The following PDS5A variants were observed in gnomAD, a reference collection of about 807,000 sequenced individuals.
The protein encoded by PDS5A is sister chromatid cohesion protein PDS5 homolog A.
In PDS5A, 42 loss-of-function variants were observed where a neutral mutation model predicts 167.1. The ratio of observed to expected loss-of-function variants is 0.25; its 90% CI spans 0.20 to 0.33. The LOEUF (loss-of-function observed/expected upper bound fraction) is 0.33. PDS5A is among the 10% of genes least tolerant of loss of function. The probability of loss-of-function intolerance (pLI) is 1.00; values close to 1 mark genes in which losing one functional copy is unlikely to be tolerated. For synonymous variants in PDS5A, 553 were observed against 554.6 expected, an observed-to-expected ratio of 1.00 and a Z score of 0.04; for missense variants, 1,033 against 1,605.9, an observed-to-expected ratio of 0.64 and a Z score of 6.10.
Position 39,843,459 on chromosome 4 carries a change from C to CAT in PDS5A, c.3548+1196_3548+1197insAT, listed in dbSNP as rs1717248722. ...TAAAAAATAAACATTTTGGGCCAGG[C>CAT]GTGATGGTTCATGACTGTAATCCCA... On this transcript the variant is annotated intron_variant, in intron 30 of 32. Coordinates refer to ENST00000303538, the MANE Select transcript of PDS5A (RefSeq NM_001100399.2). Among the ~76,000 whole-genome samples, 3 of 152,074 alleles carry CAT rather than the reference C, an allele frequency of 2.0e-5. No homozygotes were observed. In the South Asian group the frequency reaches 6.2e-4, roughly 32 times the overall value.
At chr4:39,907,646 G>A (rs1021444790) in intron 11 of PDS5A, among the ~76,000 whole-genome samples, 1 of 151,364 alleles carries the variant, frequency 6.6e-6, no homozygotes, top group African/African-American at 2.4e-5. Flanking sequence ...GAGTGCAGTG[G>A]TGCAATCTCG....
At chr4:39,830,806 C>G (rs1197882728) in intron 32 of PDS5A, among the ~76,000 whole-genome samples, 1 of 152,184 alleles carries the variant, frequency 6.6e-6, no homozygotes, top group African/African-American at 2.4e-5. Context: ...TCAAAAACAT[C>G]TGATCTATCT....
At chr4:39,840,710 T>A (rs925973807) in intron 31 of PDS5A, among the ~76,000 whole-genome samples, 7 of 152,018 alleles carry the variant, frequency 4.6e-5, no homozygotes, top group Non-Finnish European at 8.8e-5. Flanking sequence ...CCCGCATAGC[T>A]GGGACTCCAG....
intron 16 of PDS5A, among the ~76,000 whole-genome samples, chr4:39,896,744 T>C (rs1208761703): frequency 6.6e-6 from 1 of 150,782 alleles, no homozygotes; most frequent in African/African-American, 2.4e-5. Context: ...CCAGTCTGGG[T>C]GACAGAGCAA....
At chr4:39,974,751 C>T (rs1730916757) in intron 2 of PDS5A, among the ~76,000 whole-genome samples, 2 of 152,056 alleles carry the variant, frequency 1.3e-5, no homozygotes, top group Admixed American at 1.3e-4. Context: ...GGGTGATTTG[C>T]CTGCCTCGGC....
intron 2 of PDS5A, among the ~76,000 whole-genome samples, chr4:39,952,063 C>T (rs1169323964): frequency 6.6e-6 from 1 of 152,158 alleles, no homozygotes; most frequent in East Asian, 1.9e-4. Flanking sequence ...GGCACGGTGG[C>T]TCATGCCTGT....
chr4:39,837,114 G>A (rs988112051), intron 32 of PDS5A: 12 of 151,204 alleles, frequency 7.9e-5, no homozygotes, highest in African/African-American at 2.9e-4. Context: ...TTACAGGCAT[G>A]AGCCACTGAG....
intron 7 of PDS5A, among the ~76,000 whole-genome samples, chr4:39,918,951 TA>T (rs2109708386): frequency 6.6e-6 from 1 of 152,310 alleles, no homozygotes; most frequent in East Asian, 1.9e-4. Flanking sequence ...AATATATGCA[TA>T]CACACACACA....
At chr4:39,887,102 CTTCTT>C (rs982173590) in intron 17 of PDS5A, among the ~76,000 whole-genome samples, 6 of 152,054 alleles carry the variant, frequency 3.9e-5, no homozygotes, top group African/African-American at 1.4e-4. Context: ...TTTGGATGGC[CTTCTT>C]TTCTTTTGAC....
At chr4:39,960,685 T>C (rs578142397) in intron 2 of PDS5A, among the ~76,000 whole-genome samples, 1 of 148,826 alleles carries the variant, frequency 6.7e-6, no homozygotes. Context: ...CCTGCCACCA[T>C]ACAAAGCTAA....
chr4:39,841,246 T>C (rs886212007), intron 31 of PDS5A, among the ~76,000 whole-genome samples: 1 of 151,868 alleles, frequency 6.6e-6, no homozygotes, highest in Non-Finnish European at 1.5e-5. Flanking sequence ...TTCAAGCAAT[T>C]CTCCTGCCTC....
At chr4:39,826,724 G>T (rs191888970) in intron 32 of PDS5A, among the ~76,000 whole-genome samples, 11 of 151,974 alleles carry the variant, frequency 7.2e-5, no homozygotes, top group Non-Finnish European at 1.5e-4. Context: ...AGACCTCGTG[G>T]TCTGCCTGCC....
Position 39,825,172 on chromosome 4 carries a change from A to G in PDS5A, c.*313T>C. On this transcript the variant is annotated 3_prime_UTR_variant, in exon 33 of 33. Coordinates refer to ENST00000303538, the MANE Select transcript of PDS5A (RefSeq NM_001100399.2). ...ATGGTGTATTACGCATTTAAACTCC[A>G]GATAGGCAGGAACTGGAACCAAGTG... is the stretch of plus-strand genomic sequence containing the variant. 3.6e-6 allele frequency: 1 copy of G among 279,976 alleles called. No individual in the cohort carries two copies. The highest frequency in any genetic ancestry group is 6.6e-6 in the Non-Finnish European group (1 of 151,128). 17.3% of individuals were successfully genotyped at this position (279,976 alleles called of 1,614,324 possible).
intron 17 of PDS5A, among the ~76,000 whole-genome samples, chr4:39,885,106 A>G (rs904764602): frequency 2.0e-5 from 3 of 151,500 alleles, no homozygotes; most frequent in Non-Finnish European, 2.9e-5. Flanking sequence ...TACTAAAAAT[A>G]CAAAAAATTA....
chr4:39,915,040 G>A (rs918740313), intron 8 of PDS5A, among the ~76,000 whole-genome samples: 7 of 128,036 alleles, frequency 5.5e-5, no homozygotes, highest in African/African-American at 1.8e-4. Flanking sequence ...TGACAAAAAT[G>A]ATTTTTTTTT....
At chr4:39,904,656 T>C (rs1490699931) in intron 11 of PDS5A, among the ~76,000 whole-genome samples, 1 of 152,184 alleles carries the variant, frequency 6.6e-6, no homozygotes, top group African/African-American at 2.4e-5. Context: ...AATCTGTTCC[T>C]ATTTAGAAAT....
At chr4:39,829,391 C>T (rs1173489554) in intron 32 of PDS5A, among the ~76,000 whole-genome samples, 1 of 152,150 alleles carries the variant, frequency 6.6e-6, no homozygotes, top group Admixed American at 6.5e-5. Context: ...TGGCTCACAC[C>T]TGTAATCCCA....
At chr4:39,880,833 CTA>C (rs1161113051) in intron 17 of PDS5A, among the ~76,000 whole-genome samples, 3 of 152,114 alleles carry the variant, frequency 2.0e-5, no homozygotes, top group Non-Finnish European at 2.9e-5. Flanking sequence ...CTATTTGAAA[CTA>C]TGTTATTGTT....
intron 16 of PDS5A, among the ~76,000 whole-genome samples, chr4:39,893,003 A>G (rs1722103875): frequency 6.6e-6 from 1 of 152,256 alleles, no homozygotes; most frequent in Admixed American, 6.5e-5. Flanking sequence ...TAATATTTAT[A>G]GGTGAAGAAA....
Sources: allele counts gnomAD v4.1 joint callset (sites outside exome capture counted in the v4.1 genomes callset), GRCh38; gene constraint gnomAD v4.1.1; transcripts MANE v1.5; gene names NCBI Gene and HGNC (gene_info 2026-07-23, HGNC 2026-07-21).